Variants in SYN2 observed in about 807,000 individuals in gnomAD.
SYN2 encodes synapsin-2.
Under a neutral mutation model 50.9 loss-of-function variants are expected in SYN2, and 19 were observed. The ratio of observed to expected loss-of-function variants is 0.37; its 90% CI spans 0.26 to 0.55. The LOEUF is 0.55. Ranked by LOEUF, SYN2 falls within the 20% of genes least tolerant of loss-of-function variation. SYN2 has a pLI of 0.81. For synonymous variants in SYN2, 255 were observed against 224.9 expected, an observed-to-expected ratio of 1.13 and a Z score of -1.20; for missense variants, 587 against 576.4, an observed-to-expected ratio of 1.02 and a Z score of -0.19.
At chr3:12,053,543 A>G (rs1473794738) in intron 1 of SYN2, among the ~76,000 whole-genome samples, 1 of 152,166 alleles carries the variant, frequency 6.6e-6, no homozygotes, top group Non-Finnish European at 1.5e-5. Context: ...TCTACACTCC[A>G]TCTATCAAAC....
chr3:12,060,400 G>A (rs1369934317), intron 1 of SYN2, among the ~76,000 whole-genome samples: 2 of 152,066 alleles, frequency 1.3e-5, no homozygotes, highest in Non-Finnish European at 2.9e-5. Flanking sequence ...ATCCCACCTG[G>A]GAGAAGGGCA....
chr3:12,161,467 TC>T, intron 5 of SYN2, 78 bp from the exon 6 acceptor site: 2 of 1,535,468 alleles, frequency 1.3e-6, no homozygotes, highest in South Asian at 2.3e-5. Flanking sequence ...CCAAGGGTAT[TC>T]CCAAGAAAAA....
chr3:12,072,712 C>T (rs534062403), intron 1 of SYN2, among the ~76,000 whole-genome samples: 6 of 152,222 alleles, frequency 3.9e-5, no homozygotes, highest in African/African-American at 1.4e-4. Context: ...CCAATTGCTT[C>T]CATATTCATC....
chr3:12,147,068 C>T (rs1476434168), intron 4 of SYN2, among the ~76,000 whole-genome samples: 1 of 152,190 alleles, frequency 6.6e-6, no homozygotes. Flanking sequence ...GCAGTAAGCC[C>T]TTCTTGTTTT....
At chr3:12,182,283 G>A (rs1012690741) in intron 10 of SYN2, among the ~76,000 whole-genome samples, 4 of 152,170 alleles carry the variant, frequency 2.6e-5, no homozygotes, top group Admixed American at 6.5e-5. Flanking sequence ...ATGGTGAAGC[G>A]AGTGCTCACT....
chr3:12,175,034 G>A (rs996373674), intron 10 of SYN2, among the ~76,000 whole-genome samples: 2 of 152,202 alleles, frequency 1.3e-5, no homozygotes, highest in East Asian at 1.9e-4. Context: ...TACATCAAGG[G>A]TGTACCAAGG....
Position 12,187,353 on chromosome 3 carries a change from C to A in SYN2, c.1370-16C>A. The A allele has an allele frequency of 6.6e-7, 1 of 1,514,262 alleles. No individual in the cohort carries two copies. The highest frequency in any genetic ancestry group is 8.9e-7 in the Non-Finnish European group (1 of 1,125,148). 93.8% of individuals were successfully genotyped at this position (1,514,262 alleles called of 1,614,324 possible). On this transcript the variant is annotated splice_polypyrimidine_tract_variant and intron_variant, in intron 11 of 12. Transcript: ENST00000621198. ...TATATGGTTAAATTATGAAGTTTTT[C>A]TTGTACTGAACCTAGGGGGCCCTGG... is the stretch of plus-strand genomic sequence containing the variant.
rs1218101362 is a variant in SYN2 at position 12,115,899 on chromosome 3, C to T, written c.378-24752C>T. Among the ~76,000 whole-genome samples the T allele has an allele frequency of 2.0e-5, 3 of 152,176 alleles. No homozygotes were observed. The East Asian group carries it at 5.8e-4, about 29-fold the overall frequency. ...ATCTCTGTACACCCATCTCCTAGTA[C>T]AGCACCTCCTAGCATATAATAGGTT... On this transcript the variant is annotated intron_variant, in intron 1 of 12. Transcript: ENST00000621198.
chr3:12,138,511 C>G (rs1029633846), intron 1 of SYN2, among the ~76,000 whole-genome samples: 1 of 152,172 alleles, frequency 6.6e-6, no homozygotes, highest in Non-Finnish European at 1.5e-5. Flanking sequence ...ATGTAAGCAC[C>G]TAGATGTAAA....
intron 1 of SYN2, among the ~76,000 whole-genome samples, chr3:12,024,733 G>C (rs755410039): frequency 4.6e-5 from 7 of 152,172 alleles, no homozygotes; most frequent in Non-Finnish European, 7.3e-5. Flanking sequence ...TGTGAATAAT[G>C]GTGATAAGAA....
At chr3:12,115,551 T>A (rs1314852465) in intron 1 of SYN2, among the ~76,000 whole-genome samples, 2 of 152,194 alleles carry the variant, frequency 1.3e-5, no homozygotes, top group African/African-American at 2.4e-5. Context: ...GGTTTCTCCT[T>A]TAAACTTTTA....
intron 1 of SYN2, among the ~76,000 whole-genome samples, chr3:12,043,273 AAAAC>A (rs1694661552): frequency 6.6e-6 from 1 of 152,118 alleles, no homozygotes; most frequent in Non-Finnish European, 1.5e-5. Context: ...ATCCTCCTGG[AAAAC>A]AAACCTCTCA....
At position 12,099,975 on chromosome 3, in the gene SYN2, G is replaced by GAAAAAAAAAA. The variant is rs376887129; in HGVS notation, c.378-40674_378-40665dup. ...GTGAGACTCTGTCTCAAAAAAAAAA[G>GAAAAAAAAAA]AAAAAAAAAAAGAAGTGCCTACAGT... On this transcript the variant is annotated intron_variant, in intron 1 of 12. Coordinates refer to ENST00000621198, the MANE Select transcript of SYN2 (RefSeq NM_133625.6). 2.1e-3 allele frequency among the ~76,000 whole-genome samples: 247 copies of GAAAAAAAAAA among 120,186 alleles called. 5 individuals carry two copies. Among genetic ancestry groups the GAAAAAAAAAA allele is most frequent in the African/African-American group, 7.3e-3 (228 of 31,052 alleles). The allele number at this position is 120,186 out of a possible 152,430, so 78.8% of individuals were successfully genotyped here. A position where few individuals can be genotyped will look rare whatever the true frequency, so the allele number is the denominator to read the frequency against.
In SYN2 at chr3:12,029,779, T is replaced by C. The variant is rs1298933694; in HGVS notation, c.377+24851T>C. ...TTATCAGCTTAAGGAGATTTTGGGC[T>C]GAGACGATGGGGTTTTCTAGATAAA... On this transcript the variant is annotated intron_variant, in intron 1 of 12. Transcript: ENST00000621198. Among the ~76,000 whole-genome samples, 45 of 58,144 alleles carry C rather than the reference T, an allele frequency of 7.7e-4. 1 individual carries two copies. The highest frequency in any genetic ancestry group is 1.0e-3 in the Non-Finnish European group (35 of 34,196). 38.1% of individuals were successfully genotyped at this position (58,144 alleles called of 152,430 possible). A position where few individuals can be genotyped will look rare whatever the true frequency, so the allele number is the denominator to read the frequency against.
chr3:12,151,108 T>C, intron 4 of SYN2, 129 bp from the exon 5 acceptor site: 1 of 659,646 alleles, frequency 1.5e-6, no homozygotes, highest in Non-Finnish European at 2.7e-6. Flanking sequence ...ACACTTCTTT[T>C]ATATCCTCAC....
At chr3:12,061,723 G>C (rs1695116264) in intron 1 of SYN2, among the ~76,000 whole-genome samples, 1 of 151,808 alleles carries the variant, frequency 6.6e-6, no homozygotes, top group Non-Finnish European at 1.5e-5. Context: ...TATATAATTA[G>C]TTATTTTCCT....
At chr3:12,183,215 G>A (rs535658473) in intron 10 of SYN2, 97 bp from the exon 11 acceptor site, 100 of 1,478,428 alleles carry the variant, frequency 6.8e-5, no homozygotes, top group East Asian at 1.2e-4. Flanking sequence ...AGGTCCCACC[G>A]GATTCCACTG....
At chr3:12,092,496 A>T (rs536193775) in intron 1 of SYN2, among the ~76,000 whole-genome samples, 3 of 152,298 alleles carry the variant, frequency 2.0e-5, no homozygotes, top group Non-Finnish European at 4.4e-5. Flanking sequence ...GAGGGGTCAT[A>T]TCTGAATGGC....
intron 1 of SYN2, 116 bp downstream of exon 1, chr3:12,005,044 C>G: frequency 2.6e-6 from 1 of 383,478 alleles, no homozygotes; most frequent in Non-Finnish European, 4.6e-6. Flanking sequence ...AGGAGGGTCC[C>G]CGAGGTCCCG....
Sources: allele counts gnomAD v4.1 joint callset (sites outside exome capture counted in the v4.1 genomes callset), GRCh38; gene constraint gnomAD v4.1.1; transcripts MANE v1.5; gene names NCBI Gene and HGNC (gene_info 2026-07-23, HGNC 2026-07-21).